The following PTPRD variants were observed in gnomAD, a reference collection of about 807,000 sequenced individuals.
The protein encoded by PTPRD is protein tyrosine phosphatase receptor type D.
Under a neutral mutation model 214.5 loss-of-function variants are expected in PTPRD, and 34 were observed. The ratio of observed to expected loss-of-function variants is 0.16; its 90% CI spans 0.12 to 0.21. PTPRD has a LOEUF of 0.21. PTPRD is among the 10% of genes least tolerant of loss of function. The probability of loss-of-function intolerance (pLI) is 1.00; values close to 1 mark genes in which losing one functional copy is unlikely to be tolerated. For missense variants in PTPRD, 2,545 were observed against 2,398.7 expected, an observed-to-expected ratio of 1.06 and a Z score of -1.27; for synonymous variants, 1,128 against 845.7, an observed-to-expected ratio of 1.33 and a Z score of -5.79.
intron 24 of PTPRD, 108 bp downstream of exon 24, chr9:8,500,646 C>T: frequency 3.5e-6 from 3 of 862,250 alleles, no homozygotes; most frequent in African/African-American, 2.0e-5. Flanking sequence ...AACAGCAATG[C>T]TGGGTAAAAA....
At chr9:9,537,299 T>G (rs1478079840) in intron 8 of PTPRD, among the ~76,000 whole-genome samples, 1 of 152,002 alleles carries the variant, frequency 6.6e-6, no homozygotes, top group East Asian at 1.9e-4. Context: ...GTCATACATC[T>G]TTTAAGTAGT....
intron 3 of PTPRD, among the ~76,000 whole-genome samples, chr9:10,338,551 A>G (rs1326166393): frequency 6.6e-6 from 1 of 151,726 alleles, no homozygotes; most frequent in Admixed American, 6.6e-5. Flanking sequence ...TCACATCTAT[A>G]GATAAAGGTG....
chr9:8,376,841 T>C, intron 37 of PTPRD, 115 bp from the exon 38 acceptor site: 1 of 1,383,988 alleles, frequency 7.2e-7, no homozygotes, highest in Non-Finnish European at 9.9e-7. Context: ...TATGTTGATC[T>C]TTTTCTGGCA....
chr9:10,346,943 A>G (rs998400751), intron 2 of PTPRD, among the ~76,000 whole-genome samples: 10 of 152,220 alleles, frequency 6.6e-5, no homozygotes, highest in African/African-American at 2.4e-4. Flanking sequence ...TTATAGTTTT[A>G]TGAGCTGCAT....
chr9:8,690,869 C>T (rs2097787014), intron 12 of PTPRD, among the ~76,000 whole-genome samples: 1 of 152,096 alleles, frequency 6.6e-6, no homozygotes. Flanking sequence ...GTACCTAGAC[C>T]TCCCTTTTAA....
intron 5 of PTPRD, among the ~76,000 whole-genome samples, chr9:9,864,562 T>C (rs1324553477): frequency 6.6e-6 from 1 of 152,090 alleles, no homozygotes; most frequent in Non-Finnish European, 1.5e-5. Context: ...TCTGTTACCC[T>C]GACTGGAGTG....
chr9:9,022,075 G>A (rs1307642886), intron 10 of PTPRD, among the ~76,000 whole-genome samples: 2 of 151,762 alleles, frequency 1.3e-5, no homozygotes, highest in Non-Finnish European at 2.9e-5. Context: ...GACCATCATG[G>A]CACATGTATA....
intron 3 of PTPRD, among the ~76,000 whole-genome samples, chr9:10,212,232 G>C (rs1299334433): frequency 6.6e-6 from 1 of 152,012 alleles, no homozygotes; most frequent in Non-Finnish European, 1.5e-5. Context: ...CATAATGTTT[G>C]TGCAAGCAAA....
chr9:10,582,931 T>C (rs1272752105), intron 2 of PTPRD, among the ~76,000 whole-genome samples: 1 of 152,068 alleles, frequency 6.6e-6, no homozygotes, highest in Non-Finnish European at 1.5e-5. Flanking sequence ...AAAAGTGAAA[T>C]GACATAGGAT....
intron 2 of PTPRD, among the ~76,000 whole-genome samples, chr9:10,415,795 G>C (rs2098481588): frequency 6.6e-6 from 1 of 151,788 alleles, no homozygotes; most frequent in Non-Finnish European, 1.5e-5. Context: ...GCAAGAGGTG[G>C]TGATTTTTAC....
intron 11 of PTPRD, chr9:8,962,196 C>T (rs897074539): frequency 2.6e-5 from 4 of 152,098 alleles, no homozygotes; most frequent in Non-Finnish European, 5.9e-5. Context: ...GAAGGTAAGA[C>T]GTAAGTGAAA....
chr9:9,380,844 T>A (rs1230594760), intron 9 of PTPRD, among the ~76,000 whole-genome samples: 1 of 152,202 alleles, frequency 6.6e-6, no homozygotes, highest in East Asian at 1.9e-4. Flanking sequence ...CTGCCTCTTG[T>A]ATTAATAGTT....
intron 5 of PTPRD, among the ~76,000 whole-genome samples, chr9:9,852,253 G>C (rs1197314679): frequency 6.6e-6 from 1 of 152,086 alleles, no homozygotes; most frequent in Non-Finnish European, 1.5e-5. Flanking sequence ...ATCTTCCTTA[G>C]GGAAGAGATG....
chr9:9,240,201 G>T (rs1032078347), intron 9 of PTPRD, among the ~76,000 whole-genome samples: 1 of 151,830 alleles, frequency 6.6e-6, no homozygotes, highest in Non-Finnish European at 1.5e-5. Context: ...AAATATTTTT[G>T]GTATTCTGAA....
At chr9:9,862,853 A>G (rs1475325261) in intron 5 of PTPRD, among the ~76,000 whole-genome samples, 1 of 152,130 alleles carries the variant, frequency 6.6e-6, no homozygotes, top group Non-Finnish European at 1.5e-5. Flanking sequence ...TATACATTCT[A>G]TTTCAGGTTT....
chr9:9,645,711 C>G (rs537675622), intron 7 of PTPRD, among the ~76,000 whole-genome samples: 1 of 151,914 alleles, frequency 6.6e-6, no homozygotes, highest in African/African-American at 2.4e-5. Flanking sequence ...CACTTCTTCC[C>G]ACTGTTTCCT....
chr9:9,333,292 A>G (rs2136710076), intron 9 of PTPRD, among the ~76,000 whole-genome samples: 1 of 151,706 alleles, frequency 6.6e-6, no homozygotes, highest in East Asian at 1.9e-4. Flanking sequence ...AGGCAGAAAG[A>G]AGGCACTTTA....
At chr9:10,543,479 T>C (rs833451) in intron 2 of PTPRD, among the ~76,000 whole-genome samples, 91,363 of 144,842 alleles carry the variant, frequency 0.63, 28,836 homozygotes, top group East Asian at 0.76. Context: ...TATATATATA[T>C]ACACACACAC....
chr9:9,059,776 C>CA (rs2099703728), intron 10 of PTPRD, among the ~76,000 whole-genome samples: 1 of 151,846 alleles, frequency 6.6e-6, no homozygotes, highest in South Asian at 2.1e-4. Context: ...ATATTTTTCA[C>CA]AAATATTAGA....
Sources: allele counts gnomAD v4.1 joint callset (sites outside exome capture counted in the v4.1 genomes callset), GRCh38; gene constraint gnomAD v4.1.1; transcripts MANE v1.5; gene names NCBI Gene and HGNC (gene_info 2026-07-23, HGNC 2026-07-21).